SOX5: variants seen among roughly 807,000 people sequenced by gnomAD.
SOX5 encodes SRY-box transcription factor 5.
In SOX5, 9 loss-of-function variants were observed where a neutral mutation model predicts 92.0. That is an observed-to-expected ratio of 0.10 (90% CI 0.06 to 0.17). SOX5 has a LOEUF of 0.17. Ranked by LOEUF, SOX5 falls within the 10% of genes least tolerant of loss-of-function variation. The pLI, the probability that SOX5 is intolerant of heterozygous loss-of-function variation, is 1.00. For synonymous variants in SOX5, 344 were observed against 336.3 expected (o/e 1.02, Z -0.25); for missense variants, 642 against 944.5 (o/e 0.68, Z 4.20).
Position 24,101,470 on chromosome 12 carries a change from C to T in SOX5, c.-2+111873G>A, listed in dbSNP as rs543449611. On this transcript the variant is annotated intron_variant, in intron 4 of 4. Transcript: ENST00000446891. ...TTCAATCTACAATTACCTTTTTTAA[C>T]TTAATTATTGTCTACTTGCCCCAGT... 2.0e-5 allele frequency among the ~76,000 whole-genome samples: 3 copies of T among 152,220 alleles called. No homozygotes were observed. The East Asian group carries it at 5.8e-4, about 29-fold the overall frequency.
chr12:23,583,264 T>C (rs888186304), intron 9 of SOX5, among the ~76,000 whole-genome samples: 2 of 152,114 alleles, frequency 1.3e-5, no homozygotes, highest in African/African-American at 4.8e-5. Context: ...TCTTACTTTT[T>C]ATTTCCAAAA....
Position 24,341,807 on chromosome 12 carries a change from G to A in SOX5, c.-174+26756C>T, listed in dbSNP as rs113378480. 4.3e-3 allele frequency among the ~76,000 whole-genome samples: 650 copies of A among 152,256 alleles called. 1 individual carries two copies. The highest frequency in any genetic ancestry group is 0.014 in the Middle Eastern group (4 of 294). On this transcript the variant is annotated intron_variant, in intron 2 of 4. Transcript: ENST00000446891. ...CTTCAAGATCCACCCATGCAACACA[G>A]CCTCCCTGAGAGGGTAGCTACCACC...
At chr12:23,814,902 T>G (rs1398358739) in intron 3 of SOX5, among the ~76,000 whole-genome samples, 1 of 152,224 alleles carries the variant, frequency 6.6e-6, no homozygotes, top group Non-Finnish European at 1.5e-5. Context: ...TGATCAACTT[T>G]ACTCAGGCAT....
intron 2 of SOX5, among the ~76,000 whole-genome samples, chr12:24,346,329 A>C (rs1953241062): frequency 1.3e-5 from 2 of 152,208 alleles, no homozygotes; most frequent in Non-Finnish European, 2.9e-5. Flanking sequence ...TCAAAGGAGG[A>C]TAAAATTTCC....
chr12:23,698,972 G>A (rs1380370113), intron 6 of SOX5, among the ~76,000 whole-genome samples: 3 of 152,168 alleles, frequency 2.0e-5, no homozygotes, highest in Non-Finnish European at 4.4e-5. Flanking sequence ...GCACAGGTGA[G>A]AACTGAGGAT....
intron 3 of SOX5, among the ~76,000 whole-genome samples, chr12:23,844,450 C>T (rs1052898085): frequency 6.6e-6 from 1 of 152,088 alleles, no homozygotes; most frequent in African/African-American, 2.4e-5. Context: ...ATCCTATTAA[C>T]CTCATATTAA....
In SOX5 at chr12:24,541,522, C is replaced by T. The variant is rs556966911; in HGVS notation, c.-251+20807G>A. Among the ~76,000 whole-genome samples, 37 of 152,230 alleles carry T rather than the reference C, an allele frequency of 2.4e-4. No individual in the cohort carries two copies. In the South Asian group the frequency reaches 7.3e-3, roughly 30 times the overall value. The stretch of plus-strand genomic sequence containing the variant: ...GAACAAGTGTGCTATTTTTCCTTAG[C>T]TGCCCTACTTTCCTTTAAGTTGCAT... On this transcript the variant is annotated intron_variant, in intron 1 of 4. Transcript: ENST00000446891.
At chr12:24,464,583 C>T (rs1480319828) in intron 1 of SOX5, among the ~76,000 whole-genome samples, 10 of 152,158 alleles carry the variant, frequency 6.6e-5, no homozygotes, top group African/African-American at 2.4e-4. Flanking sequence ...CCTTGTGATC[C>T]ACCCGCCTCG....
chr12:23,646,736 C>T (rs187124148), intron 7 of SOX5, among the ~76,000 whole-genome samples: 1 of 152,204 alleles, frequency 6.6e-6, no homozygotes, highest in African/African-American at 2.4e-5. Context: ...TTTGCTCATT[C>T]ATAAGAAGAA....
chr12:24,468,106 G>C (rs1484714286), intron 1 of SOX5, among the ~76,000 whole-genome samples: 1 of 152,204 alleles, frequency 6.6e-6, no homozygotes, highest in African/African-American at 2.4e-5. Context: ...TTAAGAGCTT[G>C]AGTTGTCAGG....
At chr12:23,752,905 G>A (rs149803482) in intron 4 of SOX5, among the ~76,000 whole-genome samples, 1 of 151,950 alleles carries the variant, frequency 6.6e-6, no homozygotes, top group East Asian at 1.9e-4. Flanking sequence ...ATGTTTGCTA[G>A]AGGATTGTTT....
chr12:24,312,026 A>G (rs112230755), intron 2 of SOX5, among the ~76,000 whole-genome samples: 2 of 144,506 alleles, frequency 1.4e-5, no homozygotes, highest in Admixed American at 6.8e-5. Flanking sequence ...TTAAACCCAA[A>G]GAAATTGGTA....
intron 3 of SOX5, among the ~76,000 whole-genome samples, chr12:23,787,724 T>C (rs571392795): frequency 9.9e-5 from 15 of 152,092 alleles, no homozygotes; most frequent in African/African-American, 3.6e-4. Context: ...TGTTGTCGTC[T>C]AATCAATCAA....
chr12:23,661,965 T>C lies in SOX5; in HGVS notation c.931+3479A>G, dbSNP rs992505122. Among the ~76,000 whole-genome samples, 12 of 152,300 alleles carry C rather than the reference T, an allele frequency of 7.9e-5. No individual in the cohort carries two copies. In the East Asian group the frequency reaches 2.3e-3, roughly 29 times the overall value. On this transcript the variant is annotated intron_variant, in intron 7 of 14. Transcript: ENST00000451604. ...ATACAGTCTGGTGTGTGTTTACGTA[T>C]AACAGCTAAGTTGACAGTTTTAATA...
intron 2 of SOX5, among the ~76,000 whole-genome samples, chr12:23,853,331 TAATA>T (rs2136215761): frequency 6.6e-6 from 1 of 151,678 alleles, no homozygotes; most frequent in East Asian, 1.9e-4. Flanking sequence ...TTAAATTTAT[TAATA>T]ATTAGATCTC....
intron 1 of SOX5, among the ~76,000 whole-genome samples, chr12:24,557,631 T>A (rs1453647252): frequency 6.6e-6 from 1 of 152,146 alleles, no homozygotes; most frequent in African/African-American, 2.4e-5. Flanking sequence ...AAACTGCGTA[T>A]CAAACTAAAG....
chr12:24,188,460 A>G (rs1227266950), intron 4 of SOX5, among the ~76,000 whole-genome samples: 1 of 152,202 alleles, frequency 6.6e-6, no homozygotes, highest in Non-Finnish European at 1.5e-5. Flanking sequence ...GTGAAAAAGA[A>G]GGCATTATTT....
chr12:24,036,472 T>G (rs1258793433), intron 4 of SOX5, among the ~76,000 whole-genome samples: 1 of 152,190 alleles, frequency 6.6e-6, no homozygotes, highest in African/African-American at 2.4e-5. Flanking sequence ...ATATTTCTCT[T>G]GAGAACCGAA....
chr12:23,849,800 A>C (rs1159573994), intron 2 of SOX5, among the ~76,000 whole-genome samples: 1 of 152,170 alleles, frequency 6.6e-6, no homozygotes, highest in African/African-American at 2.4e-5. Flanking sequence ...TTAATGTTTA[A>C]AGAATTATTT....
Sources: allele counts gnomAD v4.1 joint callset (sites outside exome capture counted in the v4.1 genomes callset), GRCh38; gene constraint gnomAD v4.1.1; transcripts MANE v1.5; gene names NCBI Gene and HGNC (gene_info 2026-07-23, HGNC 2026-07-21).